The following PARD3B variants were observed in gnomAD, a reference collection of about 807,000 sequenced individuals.
The protein encoded by PARD3B is par-3 family cell polarity regulator beta.
Under a neutral mutation model 130.2 loss-of-function variants are expected in PARD3B, and 103 were observed. That is an observed-to-expected ratio of 0.79 (90% CI 0.67 to 0.93). The LOEUF (loss-of-function observed/expected upper bound fraction) is 0.93, where lower values mean the gene tolerates loss of function less well. PARD3B is among the 40% of genes least tolerant of loss of function. PARD3B has a pLI of 0.00. For synonymous variants in PARD3B, 583 were observed against 553.2 expected, an observed-to-expected ratio of 1.05 and a Z score of -0.76; for missense variants, 1,609 against 1,499.2, an observed-to-expected ratio of 1.07 and a Z score of -1.21.
At position 204,994,824 on chromosome 2, in the gene PARD3B, C is replaced by T. The variant is rs555429519; in HGVS notation, c.394+29501C>T. Among the ~76,000 whole-genome samples the T allele has an allele frequency of 2.1e-4, 31 of 150,898 alleles. No individual in the cohort carries two copies. In the East Asian group the frequency reaches 4.7e-3, roughly 23 times the overall value. ...TCCTCTTGTTGAATTGATCCCTTTA[C>T]CATTATGTAATGGCCTTCTTTGTCT... On this transcript the variant is annotated intron_variant, in intron 3 of 22. Transcript: ENST00000406610.
intron 3 of PARD3B, among the ~76,000 whole-genome samples, chr2:204,988,927 T>C (rs1034832157): frequency 1.3e-5 from 2 of 152,138 alleles, no homozygotes; most frequent in African/African-American, 4.8e-5. Context: ...CAAAAAGAAA[T>C]ACGTTCATCT....
At position 205,585,050 on chromosome 2, in the gene PARD3B, G is replaced by T. The variant is rs1368872682; in HGVS notation, c.3261-30406G>T. ...CATTGTGCACACCCGCTGATTATGG[G>T]CAGAAAATGGCACCAACCAAAATGG... On this transcript the variant is annotated intron_variant, in intron 22 of 22. Coordinates refer to ENST00000406610, the MANE Select transcript of PARD3B (RefSeq NM_001302769.2). The surrounding 1 kb of genome is among the most constrained non-coding windows in gnomAD (Gnocchi z 5.4). Among the ~76,000 whole-genome samples, 14 of 152,168 alleles carry T rather than the reference G, an allele frequency of 9.2e-5. No homozygotes were observed. Among genetic ancestry groups the T allele is most frequent in the African/African-American group, 3.4e-4 (14 of 41,442 alleles).
intron 1 of PARD3B, among the ~76,000 whole-genome samples, chr2:204,624,579 AGTAGT>A: frequency 6.6e-6 from 1 of 152,258 alleles, no homozygotes; most frequent in East Asian, 1.9e-4. Flanking sequence ...CTAATTGTTG[AGTAGT>A]GTTCCATGGT....
In PARD3B at chr2:205,321,413, G is replaced by T. The variant is rs1464431061; in HGVS notation, c.2630+19712G>T. ...ACCTTCCGCCCAGATTCCTCAGATAGTAACATTTTTTCTGAATTAGCTGTA... is the reference window on the plus strand; with the variant it reads ...ACCTTCCGCCCAGATTCCTCAGATATTAACATTTTTTCTGAATTAGCTGTA... On this transcript the variant is annotated intron_variant, in intron 18 of 22. Coordinates refer to ENST00000406610, the MANE Select transcript of PARD3B (RefSeq NM_001302769.2). This position sits in a 1 kb window ranked among gnomAD's most constrained non-coding sequence, Gnocchi z 4.2. Among the ~76,000 whole-genome samples the T allele has an allele frequency of 2.0e-5, 3 of 151,916 alleles. No homozygotes were observed. The highest frequency in any genetic ancestry group is 7.3e-5 in the African/African-American group (3 of 41,374).
At chr2:205,182,042 C>A (rs1378307297) in intron 13 of PARD3B, among the ~76,000 whole-genome samples, 1 of 152,176 alleles carries the variant, frequency 6.6e-6, no homozygotes, top group African/African-American at 2.4e-5. Flanking sequence ...CCTGTAATCC[C>A]AGCACTTTGG....
chr2:204,640,121 G>A lies in PARD3B; in HGVS notation c.121-46060G>A, dbSNP rs114203253. Among the ~76,000 whole-genome samples, 1,304 of 152,172 alleles carry A rather than the reference G, an allele frequency of 8.6e-3. 17 individuals carry two copies. The highest frequency in any genetic ancestry group is 0.03 in the African/African-American group (1,239 of 41,516). On this transcript the variant is annotated intron_variant, in intron 1 of 22. Transcript: ENST00000406610. Reference sequence around the variant, plus strand: ...ATTAAAAAATTAGCTGGATGTGGTGGTGCATGCCTGTCATCCCACATACTT... The same window carrying A: ...ATTAAAAAATTAGCTGGATGTGGTGATGCATGCCTGTCATCCCACATACTT...
intron 2 of PARD3B, among the ~76,000 whole-genome samples, chr2:204,935,674 CAT>C (rs1409299272): frequency 2.6e-5 from 4 of 151,944 alleles, no homozygotes; most frequent in African/African-American, 9.7e-5. Context: ...TCAAGTATAT[CAT>C]GTGTAACTGA....
chr2:205,505,134 G>A (rs576975632), intron 21 of PARD3B, among the ~76,000 whole-genome samples: 160 of 151,920 alleles, frequency 1.1e-3, no homozygotes, highest in Non-Finnish European at 1.7e-3. Context: ...GCAAACTATC[G>A]CAAGGACAGA....
rs761214942 is a variant in PARD3B, at chr2:205,128,302, C to T, written c.1434+2565C>T. 1.6e-4 allele frequency among the ~76,000 whole-genome samples: 24 copies of T among 152,210 alleles called. No homozygotes were observed. The highest frequency in any genetic ancestry group is 3.2e-3 in the Middle Eastern group (1 of 316). On this transcript the variant is annotated intron_variant, in intron 10 of 22. Transcript: ENST00000406610. This position sits in a 1 kb window ranked among gnomAD's most constrained non-coding sequence, Gnocchi z 4.5. ...GTCTAGTAGTTCCTTATACCTTTCTCCCATATGTCCTCTGGAATTTTTAAC... is the reference window on the plus strand; with the variant it reads ...GTCTAGTAGTTCCTTATACCTTTCTTCCATATGTCCTCTGGAATTTTTAAC...
chr2:205,002,131 A>G (rs1052486463), intron 3 of PARD3B, among the ~76,000 whole-genome samples: 20 of 152,242 alleles, frequency 1.3e-4, no homozygotes, highest in African/African-American at 4.6e-4. Context: ...AAAGCTTGTC[A>G]ATAGTCATGT....
At chr2:204,627,375 A>C (rs2034523500) in intron 1 of PARD3B, among the ~76,000 whole-genome samples, 1 of 152,166 alleles carries the variant, frequency 6.6e-6, no homozygotes, top group African/African-American at 2.4e-5. Flanking sequence ...TTTATATTTT[A>C]TTTAAAATTT....
intron 1 of PARD3B, among the ~76,000 whole-genome samples, chr2:204,563,653 T>TA (rs1357271664): frequency 2.0e-5 from 3 of 152,234 alleles, no homozygotes; most frequent in Admixed American, 6.5e-5. Flanking sequence ...ACTTATCTAC[T>TA]ACCTTCTCCA....
At chr2:205,539,543 A>T (rs1253950937) in intron 21 of PARD3B, among the ~76,000 whole-genome samples, 1 of 152,008 alleles carries the variant, frequency 6.6e-6, no homozygotes, top group Admixed American at 6.6e-5. Flanking sequence ...ATTGCTGGTC[A>T]CTCTATCCTT....
chr2:205,608,263 C>A (rs1166897220), intron 22 of PARD3B, among the ~76,000 whole-genome samples: 1 of 151,622 alleles, frequency 6.6e-6, no homozygotes, highest in Admixed American at 6.6e-5. Context: ...TGTTAGCCCC[C>A]AAAGTCTGAC....
At position 205,147,938 on chromosome 2, in the gene PARD3B, C is replaced by T. The variant is rs963736016; in HGVS notation, c.1435-10784C>T. ...ACTCTCAACAAATTAGAGTACAATTCAGATGTGTGTGGGTTTTCTAATATA... is the reference window on the plus strand; with the variant it reads ...ACTCTCAACAAATTAGAGTACAATTTAGATGTGTGTGGGTTTTCTAATATA... On this transcript the variant is annotated intron_variant, in intron 10 of 22. Transcript: ENST00000406610. Among the ~76,000 whole-genome samples, 5 of 152,156 alleles carry T rather than the reference C, an allele frequency of 3.3e-5. No individual in the cohort carries two copies. The South Asian group carries it at 8.3e-4, about 25-fold the overall frequency.
rs181046413 is a variant in PARD3B, at chr2:205,145,245, T to A, written c.1435-13477T>A. 3.7e-3 allele frequency among the ~76,000 whole-genome samples: 563 copies of A among 152,244 alleles called. 2 individuals carry two copies. Among genetic ancestry groups the A allele is most frequent in the South Asian group, 9.5e-3 (46 of 4,818 alleles). On this transcript the variant is annotated intron_variant, in intron 10 of 22. Transcript: ENST00000406610. Reference sequence around the variant, plus strand: ...AGATTATATTTTTTAACTATGGCACTTCCTAAGATCTCAGTGAAAATATCC... The same window carrying A: ...AGATTATATTTTTTAACTATGGCACATCCTAAGATCTCAGTGAAAATATCC...
At chr2:204,933,566 G>C (rs1471077745) in intron 2 of PARD3B, among the ~76,000 whole-genome samples, 2 of 152,168 alleles carry the variant, frequency 1.3e-5, no homozygotes, top group African/African-American at 4.8e-5. Context: ...AATATGTGCT[G>C]TGTTAGAAAT....
At chr2:205,519,391 G>C (rs1215161090) in intron 21 of PARD3B, among the ~76,000 whole-genome samples, 1 of 152,154 alleles carries the variant, frequency 6.6e-6, no homozygotes, top group East Asian at 1.9e-4. Context: ...TGATTGCATT[G>C]TGAAATTCTT....
intron 2 of PARD3B, among the ~76,000 whole-genome samples, chr2:204,894,530 C>T (rs1383467478): frequency 6.6e-6 from 1 of 151,392 alleles, no homozygotes; most frequent in Non-Finnish European, 1.5e-5. Flanking sequence ...ATTAAATGCT[C>T]CTTAAAATAC....
Sources: gnomAD v4.1 joint callset for allele counts (sites outside exome capture counted in the v4.1 genomes callset) on GRCh38, gnomAD v4.1.1 for gene constraint, Gnocchi (gnomAD v3.1) non-coding constraint, MANE v1.5 for transcripts, NCBI Gene and HGNC (gene_info 2026-07-23, HGNC 2026-07-21) for gene names.